DOCK2: variants seen among roughly 807,000 people sequenced by gnomAD.
DOCK2 encodes the protein dedicator of cytokinesis 2.
Under a neutral mutation model 248.9 loss-of-function variants are expected in DOCK2, and 87 were observed. The ratio of observed to expected loss-of-function variants is 0.35; its 90% CI spans 0.29 to 0.42. DOCK2 has a LOEUF of 0.42. DOCK2 is among the 10% of genes least tolerant of loss of function. DOCK2 has a pLI of 1.00. For missense variants in DOCK2, 1,747 were observed against 2,300.2 expected (o/e 0.76, Z 4.92); for synonymous variants, 805 against 821.6 (o/e 0.98, Z 0.35).
intron 14 of DOCK2, among the ~76,000 whole-genome samples, chr5:169,705,965 A>T (rs1469966133): frequency 6.6e-6 from 1 of 152,256 alleles, no homozygotes; most frequent in Non-Finnish European, 1.5e-5. Context: ...CCATGGGGAT[A>T]GGCAATGTAG....
chr5:169,684,249 C>T lies in DOCK2; in HGVS notation c.660C>T (p.Thr220=). 4 of 1,614,158 alleles carry T rather than the reference C, an allele frequency of 2.5e-6. No homozygotes were observed. The highest frequency in any genetic ancestry group is 1.1e-5 in the South Asian group (1 of 91,088). Residue 220 remains threonine (T), a synonymous_variant, in exon 8 of 52, where the codon ACC becomes ACT. Transcript: ENST00000520908. ...AMYSRISSSP[T]HSLYVFVRNF... ...ATTCCCGGATCTCCTCATCCCCCAC[C>T]CATAGCCTCTATGTGTTTGTGAGAA...
intron 47 of DOCK2, 146 bp from the exon 48 acceptor site, chr5:170,077,564 A>G: frequency 8.7e-7 from 1 of 1,154,780 alleles, no homozygotes; most frequent in Non-Finnish European, 1.2e-6. Context: ...AGAACGCCCT[A>G]GCCTCAGCCA....
At chr5:170,011,471 G>A (rs1755290857) in intron 32 of DOCK2, among the ~76,000 whole-genome samples, 1 of 98,270 alleles carries the variant, frequency 1.0e-5, no homozygotes, top group Admixed American at 1.1e-4. Context: ...CATCTGTCAG[G>A]GGTTGAGGGT....
intron 19 of DOCK2, among the ~76,000 whole-genome samples, chr5:169,715,798 G>C (rs1435078171): frequency 6.6e-6 from 1 of 151,912 alleles, no homozygotes; most frequent in Non-Finnish European, 1.5e-5. Context: ...GTAGTCCCCC[G>C]GGGTAATCAC....
chr5:169,700,510 C>G (rs911165450), intron 13 of DOCK2, among the ~76,000 whole-genome samples: 2 of 148,134 alleles, frequency 1.4e-5, no homozygotes, highest in Non-Finnish European at 2.9e-5. Context: ...AGAATATTGT[C>G]ATTCTCTTAT....
rs575016436 is a variant in DOCK2 at position 169,771,576 on chromosome 5, C to T, written c.2554+9951C>T. The stretch of plus-strand genomic sequence containing the variant: ...GATTACAGGTGTGAGCCACCGCACC[C>T]GGCCTTTTGTCTTTCTGTCAGATTG... On this transcript the variant is annotated intron_variant, in intron 25 of 51. Coordinates refer to ENST00000520908, the MANE Select transcript of DOCK2 (RefSeq NM_004946.3). 4.6e-5 allele frequency among the ~76,000 whole-genome samples: 7 copies of T among 152,194 alleles called. No homozygotes were observed. In the South Asian group the frequency reaches 6.2e-4, roughly 14 times the overall value.
At chr5:169,802,122 C>A (rs530425102) in intron 25 of DOCK2, among the ~76,000 whole-genome samples, 9 of 152,198 alleles carry the variant, frequency 5.9e-5, no homozygotes, top group Admixed American at 2.0e-4. Flanking sequence ...CCTGAAACAG[C>A]AATGTCAAGA....
intron 27 of DOCK2, among the ~76,000 whole-genome samples, chr5:169,844,592 A>G (rs1486385658): frequency 1.3e-5 from 2 of 152,188 alleles, no homozygotes; most frequent in Non-Finnish European, 2.9e-5. Context: ...GCAATGTTTG[A>G]GGTTTTGTTT....
intron 27 of DOCK2, among the ~76,000 whole-genome samples, chr5:169,848,829 A>G (rs779526198): frequency 2.6e-5 from 4 of 152,190 alleles, no homozygotes; most frequent in Admixed American, 6.5e-5. Context: ...GGAAATTGGA[A>G]GTCACCTTTT....
chr5:170,062,124 TGTGTGAGA>T (rs767217697), intron 44 of DOCK2, among the ~76,000 whole-genome samples: 1 of 134,226 alleles, frequency 7.5e-6, no homozygotes, highest in African/African-American at 3.1e-5. Context: ...TGTGTGTGTG[TGTGTGAGA>T]GAGAGAGAGA....
chr5:169,715,151 G>T (rs1022879264), intron 19 of DOCK2, among the ~76,000 whole-genome samples: 2 of 152,158 alleles, frequency 1.3e-5, no homozygotes, highest in Non-Finnish European at 2.9e-5. Flanking sequence ...GCAAATGTCA[G>T]ATGTATTATT....
chr5:169,812,342 C>T (rs887655333), intron 26 of DOCK2, among the ~76,000 whole-genome samples: 2 of 152,170 alleles, frequency 1.3e-5, no homozygotes, highest in Non-Finnish European at 2.9e-5. Context: ...GTCTCCTATC[C>T]CCCTGAGACG....
At chr5:169,823,992 G>A (rs1384328642) in intron 26 of DOCK2, among the ~76,000 whole-genome samples, 1 of 152,134 alleles carries the variant, frequency 6.6e-6, no homozygotes, top group Non-Finnish European at 1.5e-5. Context: ...CAAACAGAGA[G>A]CCAAATCATG....
At chr5:169,941,357 G>A (rs1776238487) in intron 27 of DOCK2, among the ~76,000 whole-genome samples, 3 of 152,106 alleles carry the variant, frequency 2.0e-5, no homozygotes, top group Admixed American at 1.3e-4. Context: ...ACAGGCCTGT[G>A]CCCCCAGGCC....
At chr5:169,894,168 C>G (rs1363782789) in intron 27 of DOCK2, among the ~76,000 whole-genome samples, 1 of 152,124 alleles carries the variant, frequency 6.6e-6, no homozygotes, top group Admixed American at 6.5e-5. Context: ...ACAAGTTTTG[C>G]CAAGACTAGG....
chr5:169,881,578 G>A, intron 27 of DOCK2: 1 of 667,810 alleles, frequency 1.5e-6, no homozygotes, highest in Non-Finnish European at 2.7e-6. Flanking sequence ...TTACAAATAA[G>A]GAAACAAGAA....
At chr5:169,637,448 G>C (rs1380733031) in intron 1 of DOCK2, 79 bp downstream of exon 1, 1 of 1,280,004 alleles carries the variant, frequency 7.8e-7, no homozygotes, top group Non-Finnish European at 9.9e-7. Flanking sequence ...CTGCGGGGCC[G>C]GCGGCGCGGG....
chr5:169,882,737 T>A (rs1286688425), intron 27 of DOCK2: 3 of 1,551,946 alleles, frequency 1.9e-6, no homozygotes, highest in Non-Finnish European at 1.7e-6. Flanking sequence ...TGAAGTTTGG[T>A]CTCACTCCTT....
chr5:169,928,255 G>A (rs79714815), intron 27 of DOCK2, among the ~76,000 whole-genome samples: 2,061 of 152,234 alleles, frequency 0.014, 18 homozygotes, highest in Middle Eastern at 0.041. Flanking sequence ...GCTGCCACAG[G>A]TCTTACACCA....
Sources: gnomAD v4.1 joint callset for allele counts (sites outside exome capture counted in the v4.1 genomes callset) on GRCh38, gnomAD v4.1.1 for gene constraint, MANE v1.5 for transcripts, NCBI Gene and HGNC (gene_info 2026-07-23, HGNC 2026-07-21) for gene names.